ZC3H12B: variants seen among roughly 807,000 people sequenced by gnomAD.
The protein encoded by ZC3H12B is zinc finger CCCH-type containing 12B.
A neutral mutation model predicts 43.9 loss-of-function variants in ZC3H12B; 7 were observed. The ratio of observed to expected loss-of-function variants is 0.16; its 90% CI spans 0.09 to 0.30. The LOEUF is 0.30. ZC3H12B is among the 10% of genes least tolerant of loss of function. The pLI is 1.00. For synonymous variants in ZC3H12B, 222 were observed against 241.7 expected (o/e 0.92, Z 0.76); for missense variants, 475 against 670.2 (o/e 0.71, Z 3.22).
chrX:65,232,446 C>T, the ZC3H12B span, among the ~76,000 whole-genome samples: 61 of 111,189 alleles, frequency 5.5e-4, no homozygotes, highest in Admixed American at 3.5e-3. Context: ...GAAGGTGGTA[C>T]GGATGGAATT....
the ZC3H12B span, among the ~76,000 whole-genome samples, chrX:65,342,565 G>A: frequency 1.8e-5 from 2 of 111,765 alleles, no homozygotes; most frequent in African/African-American, 6.5e-5. Flanking sequence ...TTACTTTTGA[G>A]TAAATAACAA....
the ZC3H12B span, among the ~76,000 whole-genome samples, chrX:65,281,342 C>A: frequency 9.2e-6 from 1 of 108,315 alleles, no homozygotes; most frequent in East Asian, 2.9e-4. Context: ...TCAAGCGATT[C>A]TCATGCCTCA....
the ZC3H12B span, among the ~76,000 whole-genome samples, chrX:65,170,172 C>A: frequency 9.0e-6 from 1 of 111,710 alleles, no homozygotes; most frequent in East Asian, 2.8e-4. Context: ...TGGCTGGTAC[C>A]AATTGTTCCT....
intron 3 of ZC3H12B, among the ~76,000 whole-genome samples, chrX:65,422,141 G>A (rs890649840): frequency 7.2e-5 from 8 of 111,047 alleles, no homozygotes; most frequent in African/African-American, 2.0e-4. Flanking sequence ...GACTATATAT[G>A]CTCAGAATCA....
intron 3 of ZC3H12B, among the ~76,000 whole-genome samples, chrX:65,422,859 A>G (rs1467314671): frequency 4.6e-5 from 5 of 108,233 alleles, no homozygotes; most frequent in Non-Finnish European, 9.5e-5. Context: ...GAAAAAACAT[A>G]AACTCATCCT....
chrX:65,494,000 T>A (rs1405388297), intron 1 of ZC3H12B, among the ~76,000 whole-genome samples: 2 of 111,402 alleles, frequency 1.8e-5, no homozygotes, highest in Non-Finnish European at 3.8e-5. Flanking sequence ...GCATTTGGTG[T>A]GCCTCATGAA....
the ZC3H12B span, among the ~76,000 whole-genome samples, chrX:65,235,584 G>A: frequency 9.0e-6 from 1 of 111,102 alleles, no homozygotes; most frequent in East Asian, 2.8e-4. Flanking sequence ...TTGCATCCCA[G>A]CCTGGATTGC....
the ZC3H12B span, among the ~76,000 whole-genome samples, chrX:65,116,758 C>T: frequency 9.1e-6 from 1 of 109,688 alleles, no homozygotes; most frequent in African/African-American, 3.3e-5. Context: ...ATGTTCCCCA[C>T]CCTGTGTCCA....
At chrX:65,238,036 T>C in the ZC3H12B span, among the ~76,000 whole-genome samples, 1 of 111,575 alleles carries the variant, frequency 9.0e-6, no homozygotes, top group African/African-American at 3.3e-5. Flanking sequence ...TTTATCTCTT[T>C]CAGGTTTTGA....
the ZC3H12B span, among the ~76,000 whole-genome samples, chrX:65,224,931 C>T: frequency 1.8e-5 from 2 of 112,147 alleles, no homozygotes; most frequent in African/African-American, 6.5e-5. Context: ...TCTGTAGGCT[C>T]CAACTCTGGG....
chrX:65,255,831 G>T, the ZC3H12B span, among the ~76,000 whole-genome samples: 6 of 112,107 alleles, frequency 5.4e-5, no homozygotes, highest in South Asian at 2.2e-3. Context: ...GAAAGTAAAA[G>T]GATGGAGAAA....
At chrX:65,039,163 G>C in the ZC3H12B span, among the ~76,000 whole-genome samples, 1 of 111,522 alleles carries the variant, frequency 9.0e-6, no homozygotes, top group East Asian at 2.8e-4. Flanking sequence ...CACAGGAGCT[G>C]TCTCATACAC....
At chrX:65,259,251 A>G in the ZC3H12B span, among the ~76,000 whole-genome samples, 2 of 111,936 alleles carry the variant, frequency 1.8e-5, no homozygotes, top group Non-Finnish European at 3.8e-5. Flanking sequence ...GAGCACAGAA[A>G]TAATGCTGCA....
At chrX:65,197,970 C>T in the ZC3H12B span, among the ~76,000 whole-genome samples, 1 of 112,383 alleles carries the variant, frequency 8.9e-6, no homozygotes, top group African/African-American at 3.2e-5. Context: ...TCTCCAACTT[C>T]AGCAATTGCT....
At chrX:65,155,822 G>A in the ZC3H12B span, among the ~76,000 whole-genome samples, 9 of 110,388 alleles carry the variant, frequency 8.2e-5, no homozygotes, top group Non-Finnish European at 1.5e-4. Context: ...TCACATCACT[G>A]CACTCCAGTC....
At chrX:65,326,632 A>G in the ZC3H12B span, among the ~76,000 whole-genome samples, 3 of 111,165 alleles carry the variant, frequency 2.7e-5, no homozygotes, top group Admixed American at 9.6e-5. Flanking sequence ...AATCTAGTGT[A>G]TTACTCTAAA....
the ZC3H12B span, among the ~76,000 whole-genome samples, chrX:65,264,691 C>T: frequency 9.0e-6 from 1 of 111,374 alleles, no homozygotes; most frequent in Non-Finnish European, 1.9e-5. Flanking sequence ...AACTGAAGTC[C>T]AGAAAAGTGA....
At chrX:65,258,765 C>T in the ZC3H12B span, among the ~76,000 whole-genome samples, 2 of 111,673 alleles carry the variant, frequency 1.8e-5, no homozygotes, top group South Asian at 7.4e-4. Flanking sequence ...CATTCCTATA[C>T]ACCAACAATA....
At chrX:65,258,548 G>T in the ZC3H12B span, among the ~76,000 whole-genome samples, 1 of 111,613 alleles carries the variant, frequency 9.0e-6, no homozygotes, top group Admixed American at 9.6e-5. Context: ...ATTCCACATA[G>T]TACTGGAAGC....
Sources: gnomAD v4.1 joint callset for allele counts (sites outside exome capture counted in the v4.1 genomes callset) on GRCh38, gnomAD v4.1.1 for gene constraint, MANE v1.5 for transcripts, NCBI Gene and HGNC (gene_info 2026-07-23, HGNC 2026-07-21) for gene names.